The following MCUR1 variants were observed in gnomAD, a reference collection of about 807,000 sequenced individuals.
MCUR1 encodes the protein mitochondrial calcium uniporter regulator 1.
MCUR1 carries 37 observed loss-of-function variants against 42.0 expected under a neutral mutation model. The ratio of observed to expected loss-of-function variants is 0.88; its 90% CI spans 0.68 to 1.16. The LOEUF (loss-of-function observed/expected upper bound fraction) is 1.16, where lower values mean the gene tolerates loss of function less well. Ranked by LOEUF, MCUR1 falls within the 50% of genes most tolerant of loss-of-function variation. The pLI is 0.00. For synonymous variants in MCUR1, 229 were observed against 196.2 expected (o/e 1.17, Z -1.40); for missense variants, 469 against 468.4 (o/e 1.00, Z -0.01).
At chr6:13,791,826 T>C in intron 8 of MCUR1, 52 bp downstream of exon 8, 9 of 1,274,712 alleles carry the variant, frequency 7.1e-6, no homozygotes, top group Non-Finnish European at 8.8e-6. Context: ...CGACTTATTT[T>C]ATAAATTTAT....
rs1373271260 is a variant in MCUR1 at position 13,789,220 on chromosome 6, GT to G, written c.*1588del. 1.3e-5 allele frequency: 2 copies of G among 152,242 alleles called. No homozygotes were observed. Among genetic ancestry groups the G allele is most frequent in the African/African-American group, 4.8e-5 (2 of 41,438 alleles). The allele number at this position is 152,242 out of a possible 1,614,324, so 9.4% of individuals were successfully genotyped here. A position where few individuals can be genotyped will look rare whatever the true frequency, so the allele number is the denominator to read the frequency against. ...GTTAGAGACCAGCCTGGCCAACATG[GT>G]GAAACCTCATCTCTACTAAAAATAC... On this transcript the variant is annotated 3_prime_UTR_variant, in exon 9 of 9. Transcript: ENST00000379170.
chr6:13,813,223 ACT>A, intron 1 of MCUR1, among the ~76,000 whole-genome samples: 1 of 152,036 alleles, frequency 6.6e-6, no homozygotes, highest in Admixed American at 6.5e-5. Flanking sequence ...TCGCCTAATG[ACT>A]CATTTCTCAG....
Position 13,814,232 on chromosome 6 carries a change from G to T in MCUR1, c.198C>A (p.Ala66=). Residue 66 remains alanine, a synonymous_variant, in exon 1 of 9, where the codon GCC becomes GCA. Coordinates refer to ENST00000379170, the MANE Select transcript of MCUR1 (RefSeq NM_001031713.4). ...CTAGCAGGAGGAGGAGCAGCGGTGA[G>T]GCACGTGACACGCCGCCGCGGGCCG... ...APAARGGVSR[A]SPLLLLLLVP... is the part of the protein sequence containing the mutation. The T allele has an allele frequency of 6.8e-7, 1 of 1,467,760 alleles. No homozygotes were observed. The allele number at this position is 1,467,760 out of a possible 1,614,324, so 90.9% of individuals were successfully genotyped here.
intron 7 of MCUR1, among the ~76,000 whole-genome samples, chr6:13,792,376 C>G (rs1418345655): frequency 6.6e-6 from 1 of 152,234 alleles, no homozygotes; most frequent in African/African-American, 2.4e-5. Flanking sequence ...ACGGCTACGT[C>G]TCATCCTTCT....
At chr6:13,800,475 C>T (rs1759967271) in intron 4 of MCUR1, 93 bp from the exon 5 acceptor site, 1 of 692,884 alleles carries the variant, frequency 1.4e-6, no homozygotes, top group Non-Finnish European at 2.4e-6. Flanking sequence ...ACAAGTTCCT[C>T]AGGTTTTTCC....
At chr6:13,808,883 T>G (rs529164593) in intron 1 of MCUR1, among the ~76,000 whole-genome samples, 360 of 152,320 alleles carry the variant, frequency 2.4e-3, no homozygotes, top group Non-Finnish European at 3.9e-3. Context: ...TGCCACACTT[T>G]CTTGATTACT....
intron 4 of MCUR1, among the ~76,000 whole-genome samples, chr6:13,800,796 TA>T (rs773153874): frequency 6.6e-6 from 1 of 152,144 alleles, no homozygotes; most frequent in Non-Finnish European, 1.5e-5. Flanking sequence ...GGACTTTAAA[TA>T]GGACCGAAAA....
intron 5 of MCUR1, among the ~76,000 whole-genome samples, chr6:13,799,711 A>C (rs1469957252): frequency 6.6e-6 from 1 of 152,188 alleles, no homozygotes; most frequent in Non-Finnish European, 1.5e-5. Flanking sequence ...TAAGCATTTA[A>C]AAATCACGTG....
At chr6:13,809,573 G>A (rs537164378) in intron 1 of MCUR1, among the ~76,000 whole-genome samples, 1 of 151,806 alleles carries the variant, frequency 6.6e-6, no homozygotes, top group South Asian at 2.1e-4. Context: ...GTTGGCTTTT[G>A]GATTTTATGA....
intron 1 of MCUR1, among the ~76,000 whole-genome samples, chr6:13,811,585 G>A (rs1760235439): frequency 6.6e-6 from 1 of 152,062 alleles, no homozygotes. Flanking sequence ...GAAACAGTGG[G>A]AGTGAAGGAA....
At chr6:13,812,295 C>T (rs897479394) in intron 1 of MCUR1, among the ~76,000 whole-genome samples, 2 of 151,940 alleles carry the variant, frequency 1.3e-5, no homozygotes, top group African/African-American at 4.8e-5. Context: ...GGTTGGGAAA[C>T]GCTCATTGGC....
intron 1 of MCUR1, among the ~76,000 whole-genome samples, chr6:13,810,080 G>A (rs1180814033): frequency 6.6e-6 from 1 of 150,602 alleles, no homozygotes; most frequent in Non-Finnish European, 1.5e-5. Context: ...GCAGGCACCT[G>A]TAATCCCAGC....
intron 8 of MCUR1, 48 bp downstream of exon 8, chr6:13,791,830 A>T (rs1283148708): frequency 1.5e-6 from 2 of 1,317,396 alleles, no homozygotes; most frequent in Non-Finnish European, 1.1e-6. Context: ...TTATTTTATA[A>T]ATTTATTTTC....
chr6:13,796,838 A>G (rs776070472), intron 6 of MCUR1, among the ~76,000 whole-genome samples: 1 of 152,148 alleles, frequency 6.6e-6, no homozygotes, highest in Non-Finnish European at 1.5e-5. Flanking sequence ...AGTTTTTCCC[A>G]GGTTGGTTAG....
At chr6:13,803,466 C>T (rs555840967) in intron 2 of MCUR1, among the ~76,000 whole-genome samples, 1 of 152,330 alleles carries the variant, frequency 6.6e-6, no homozygotes, top group East Asian at 1.9e-4. Flanking sequence ...CTATTAAATG[C>T]TTCCAGCTAT....
chr6:13,798,568 T>C (rs1759908906), intron 6 of MCUR1, among the ~76,000 whole-genome samples: 1 of 152,182 alleles, frequency 6.6e-6, no homozygotes, highest in Admixed American at 6.5e-5. Context: ...TCTTTATGAA[T>C]CTCTATGTAA....
chr6:13,792,009 A>T lies in MCUR1; in HGVS notation c.910-17T>A. ...CTGGGCATGCTTTTAAAATGAAGAG[A>T]GTCACAGCGTTAGACCACAGCACGT... On this transcript the variant is annotated splice_polypyrimidine_tract_variant and intron_variant, in intron 7 of 8. Coordinates refer to ENST00000379170, the MANE Select transcript of MCUR1 (RefSeq NM_001031713.4). 6.3e-7 allele frequency: 1 copy of T among 1,596,218 alleles called. No homozygotes were observed. Among genetic ancestry groups the T allele is most frequent in the South Asian group, 1.1e-5 (1 of 90,690 alleles).
chr6:13,793,244 A>C (rs936855156), intron 7 of MCUR1, among the ~76,000 whole-genome samples: 2 of 152,110 alleles, frequency 1.3e-5, no homozygotes, highest in African/African-American at 4.8e-5. Context: ...AGTGCAAAAA[A>C]TCCTGTGACA....
At chr6:13,808,906 T>A (rs1447775540) in intron 1 of MCUR1, among the ~76,000 whole-genome samples, 1 of 152,194 alleles carries the variant, frequency 6.6e-6, no homozygotes, top group Non-Finnish European at 1.5e-5. Context: ...TAAGTTTGTT[T>A]TAAGTTTGAC....
Sources: allele counts gnomAD v4.1 joint callset (sites outside exome capture counted in the v4.1 genomes callset), GRCh38; gene constraint gnomAD v4.1.1; transcripts MANE v1.5; gene names NCBI Gene and HGNC (gene_info 2026-07-23, HGNC 2026-07-21).